TTC23L: variants seen among roughly 807,000 people sequenced by gnomAD.
TTC23L encodes tetratricopeptide repeat protein 23-like.
Under a neutral mutation model 48.1 loss-of-function variants are expected in TTC23L, and 42 were observed. The ratio of observed to expected loss-of-function variants is 0.87; its 90% CI spans 0.68 to 1.13. TTC23L has a LOEUF of 1.13. Ranked by LOEUF, TTC23L falls within the 50% of genes most tolerant of loss-of-function variation. TTC23L has a pLI of 0.00. For synonymous variants in TTC23L, 159 were observed against 157.2 expected (o/e 1.01, Z -0.09); for missense variants, 391 against 421.0 (o/e 0.93, Z 0.62).
At position 34,844,281 on chromosome 5, in the gene TTC23L, C is replaced by G. The variant is rs147998885; in HGVS notation, c.69-1206C>G. 1.7e-3 allele frequency among the ~76,000 whole-genome samples: 254 copies of G among 151,846 alleles called. 1 individual carries two copies. Among genetic ancestry groups the G allele is most frequent in the African/African-American group, 5.8e-3 (238 of 41,360 alleles). Reference sequence around the variant, plus strand: ...GCTTGGGCCTCAAGAAATGTTGCTTCCCTATCTACACAACCTGGTTTGCCC... The same window carrying G: ...GCTTGGGCCTCAAGAAATGTTGCTTGCCTATCTACACAACCTGGTTTGCCC... On this transcript the variant is annotated intron_variant, in intron 2 of 10. Coordinates refer to ENST00000505624, the Ensembl canonical transcript of TTC23L.
chr5:34,872,722 A>G (rs964546139), intron 8 of TTC23L, among the ~76,000 whole-genome samples: 2 of 152,210 alleles, frequency 1.3e-5, no homozygotes, highest in Non-Finnish European at 2.9e-5. Context: ...AATAAGTAAA[A>G]GGAAACTTTG....
chr5:34,860,466 G>C (rs1397931571), intron 4 of TTC23L, among the ~76,000 whole-genome samples: 1 of 152,168 alleles, frequency 6.6e-6, no homozygotes, highest in Non-Finnish European at 1.5e-5. Flanking sequence ...GGAATCCTTG[G>C]TTACCACCTG....
intron 9 of TTC23L, among the ~76,000 whole-genome samples, chr5:34,888,056 T>G (rs1175073350): frequency 2.6e-5 from 4 of 152,346 alleles, no homozygotes; most frequent in Middle Eastern, 3.4e-3. Flanking sequence ...AGAAGGTGAC[T>G]AGGACTCAAG....
At chr5:34,849,261 C>T (rs1759469480) in intron 3 of TTC23L, among the ~76,000 whole-genome samples, 1 of 152,084 alleles carries the variant, frequency 6.6e-6, no homozygotes, top group Non-Finnish European at 1.5e-5. Context: ...GAAAAAACAA[C>T]CAGATAGTAG....
the TTC23L span, chr5:34,920,113 G>A: frequency 3.0e-6 from 1 of 330,794 alleles, no homozygotes; most frequent in Non-Finnish European, 5.6e-6. Context: ...CTCAGGAGAA[G>A]GATTATGTCC....
intron 4 of TTC23L, among the ~76,000 whole-genome samples, chr5:34,859,852 T>C (rs1272620053): frequency 7.0e-6 from 1 of 142,334 alleles, no homozygotes; most frequent in African/African-American, 2.6e-5. Flanking sequence ...TTTTTTTTTT[T>C]TTTTTTTTTG....
chr5:34,909,025 G>A, the TTC23L span: 15 of 1,304,172 alleles, frequency 1.2e-5, no homozygotes, highest in Non-Finnish European at 1.6e-5. Context: ...AGGATAAAAA[G>A]TAGCAAATCT....
chr5:34,894,052 C>G (rs1763046115), intron 9 of TTC23L, among the ~76,000 whole-genome samples: 1 of 152,086 alleles, frequency 6.6e-6, no homozygotes, highest in African/African-American at 2.4e-5. Context: ...TCTCAATACT[C>G]TATTTATATG....
intron 9 of TTC23L, among the ~76,000 whole-genome samples, chr5:34,894,911 ATGATGT>A (rs1259479773): frequency 6.6e-6 from 1 of 151,462 alleles, no homozygotes; most frequent in East Asian, 1.9e-4. Context: ...GATGATGATG[ATGATGT>A]TAATGGTGAT....
intron 9 of TTC23L, among the ~76,000 whole-genome samples, chr5:34,894,875 A>G (rs1328696238): frequency 1.4e-5 from 2 of 146,892 alleles, no homozygotes; most frequent in Admixed American, 1.4e-4. Flanking sequence ...AGAGATGATG[A>G]GAGTGTTAAT....
At chr5:34,907,066 T>C in the TTC23L span, 8 of 152,234 alleles carry the variant, frequency 5.3e-5, no homozygotes, top group Non-Finnish European at 4.4e-5. Context: ...TATCAGGTGC[T>C]GACCCTGGCC....
rs547711713 is a variant in TTC23L at position 34,866,610 on chromosome 5, A to G, written c.663-282A>G. 4.6e-5 allele frequency among the ~76,000 whole-genome samples: 7 copies of G among 151,958 alleles called. No homozygotes were observed. The South Asian group carries it at 6.2e-4, about 14-fold the overall frequency. On this transcript the variant is annotated intron_variant, in intron 6 of 10. Coordinates refer to ENST00000505624, the Ensembl canonical transcript of TTC23L. Reference sequence around the variant, plus strand: ...TCTATGTTTATGGGTGAATTATCCCATCTTGTGAATTCCTGGAAGCCATTT... The same window carrying G: ...TCTATGTTTATGGGTGAATTATCCCGTCTTGTGAATTCCTGGAAGCCATTT...
intron 8 of TTC23L, among the ~76,000 whole-genome samples, chr5:34,872,992 G>A (rs1256183698): frequency 1.3e-5 from 2 of 152,072 alleles, no homozygotes; most frequent in Non-Finnish European, 2.9e-5. Context: ...GAGCCCAGGA[G>A]GCGGAAGTTG....
intron 9 of TTC23L, among the ~76,000 whole-genome samples, chr5:34,889,934 G>A (rs1233813226): frequency 6.6e-6 from 1 of 151,844 alleles, no homozygotes; most frequent in African/African-American, 2.4e-5. Flanking sequence ...CACCTCCCGA[G>A]TTCAAGTGAT....
At chr5:34,867,145 T>G in intron 7 of TTC23L, 76 bp downstream of exon 7, 1 of 1,432,936 alleles carries the variant, frequency 7.0e-7, no homozygotes, top group Non-Finnish European at 9.6e-7. Context: ...CAGGGAAGCA[T>G]GGGCTTCTCA....
At chr5:34,925,282 G>T in the TTC23L span, 2 of 1,612,308 alleles carry the variant, frequency 1.2e-6, no homozygotes, top group Non-Finnish European at 1.7e-6. Flanking sequence ...AACAGCAAGT[G>T]AAAGATGTGC....
chr5:34,850,600 G>A (rs1469894087), intron 4 of TTC23L, among the ~76,000 whole-genome samples: 1 of 152,192 alleles, frequency 6.6e-6, no homozygotes, highest in East Asian at 1.9e-4. Context: ...TTATGGATGA[G>A]GACACTGGAG....
chr5:34,871,924 A>G (rs759131641), intron 8 of TTC23L, among the ~76,000 whole-genome samples: 24 of 152,216 alleles, frequency 1.6e-4, no homozygotes, highest in Non-Finnish European at 2.1e-4. Flanking sequence ...TACTCATGCC[A>G]TACACAGACA....
rs530618952 is a variant in TTC23L, at chr5:34,891,147, C to G, written c.1078-5623C>G. Reference sequence around the variant, plus strand: ...TAACAAAATAGTAATAATAACAATTCTCTATCTGAAGTACAAGAGATAATA... The same window carrying G: ...TAACAAAATAGTAATAATAACAATTGTCTATCTGAAGTACAAGAGATAATA... On this transcript the variant is annotated intron_variant, in intron 9 of 10. Transcript: ENST00000505624. Among the ~76,000 whole-genome samples, 5 of 152,234 alleles carry G rather than the reference C, an allele frequency of 3.3e-5. No homozygotes were observed. The South Asian group carries it at 1.0e-3, about 32-fold the overall frequency.
Sources: gnomAD v4.1 joint callset for allele counts (sites outside exome capture counted in the v4.1 genomes callset) on GRCh38, gnomAD v4.1.1 for gene constraint, MANE v1.5 for transcripts, NCBI Gene and HGNC (gene_info 2026-07-23, HGNC 2026-07-21) for gene names.